PDE10A: variants seen among roughly 807,000 people sequenced by gnomAD.
PDE10A encodes the protein phosphodiesterase 10A.
In PDE10A, 39 loss-of-function variants were observed where a neutral mutation model predicts 97.7. The observed-to-expected ratio is 0.40, with a 90% CI of 0.31 to 0.52. PDE10A has a LOEUF of 0.52. PDE10A is among the 20% of genes least tolerant of loss of function. The pLI is 0.56. For missense variants in PDE10A, 731 were observed against 1,047.8 expected (o/e 0.70, Z 4.17); for synonymous variants, 371 against 376.8 (o/e 0.98, Z 0.18).
At chr6:165,869,177 C>T (rs1781133491) in intron 1 of PDE10A, among the ~76,000 whole-genome samples, 1 of 152,008 alleles carries the variant, frequency 6.6e-6, no homozygotes, top group African/African-American at 2.4e-5. Context: ...TTGCAAATTA[C>T]ATGATCTTAT....
chr6:165,572,969 G>A (rs536416372), intron 1 of PDE10A, among the ~76,000 whole-genome samples: 4 of 152,292 alleles, frequency 2.6e-5, no homozygotes, highest in African/African-American at 9.6e-5. Flanking sequence ...AAAATTTCAA[G>A]TTTAGATGAC....
rs754530674 is a variant in PDE10A at position 165,433,086 on chromosome 6, C to T, written c.1379G>A (p.Arg460His). 9.9e-6 allele frequency: 16 copies of T among 1,613,148 alleles called. No homozygotes were observed. Among genetic ancestry groups the T allele is most frequent in the East Asian group, 2.2e-5 (1 of 44,848 alleles). The change falls in exon 7 of 22, where the codon CGT becomes CAT. Residue 460 changes from arginine to histidine, a missense_variant. By Grantham distance (29) the Arg-to-His change is conservative. Around this residue, in one of 8 missense-constraint regions of PDE10A, gnomAD observed 152 missense variants for 199.3 expected, o/e 0.76. Transcript: ENST00000539869. ...PRGTGLESGT[R>H]IQSVLCLPIV... is the part of the protein sequence containing the mutation. The stretch of plus-strand genomic sequence containing the variant: ...TGGTAAGCAAAGAACAGACTGGATA[C>T]GAGTCCCTGATTCCAGTCCAGTACC...
chr6:165,806,291 G>A (rs887265177), intron 1 of PDE10A, among the ~76,000 whole-genome samples: 8 of 152,196 alleles, frequency 5.3e-5, no homozygotes, highest in African/African-American at 1.7e-4. Flanking sequence ...CATGGGACCC[G>A]CCTGTCACTG....
chr6:165,388,215 G>A lies in PDE10A; in HGVS notation c.2610+83C>T, dbSNP rs1249973723. ...CTGTTGCTTTTAAGGAAGCCATAAT[G>A]ATCTTCCTTTTCCACCTATGAAGTA... On this transcript the variant is annotated intron_variant, in intron 17 of 21. Transcript: ENST00000539869. This position sits in a 1 kb window ranked among gnomAD's most constrained non-coding sequence, Gnocchi z 4.0. 1 of 1,234,830 alleles carries A rather than the reference G, an allele frequency of 8.1e-7. No individual in the cohort carries two copies. The highest frequency in any genetic ancestry group is 1.2e-6 in the Non-Finnish European group (1 of 858,948). 76.5% of individuals were successfully genotyped at this position (1,234,830 alleles called of 1,614,324 possible).
At chr6:165,796,976 G>A (rs1460968886) in intron 1 of PDE10A, among the ~76,000 whole-genome samples, 2 of 152,020 alleles carry the variant, frequency 1.3e-5, no homozygotes, top group Non-Finnish European at 2.9e-5. Context: ...TGGAAGTTAG[G>A]TATAAATAGA....
chr6:165,750,547 C>T (rs1262034533), intron 1 of PDE10A, among the ~76,000 whole-genome samples: 2 of 152,130 alleles, frequency 1.3e-5, no homozygotes, highest in Admixed American at 6.5e-5. Flanking sequence ...TATTTCCCCA[C>T]CCGGAGAGTA....
intron 13 of PDE10A, among the ~76,000 whole-genome samples, chr6:165,407,042 T>C (rs1201355961): frequency 2.6e-5 from 4 of 152,302 alleles, no homozygotes; most frequent in Middle Eastern, 3.4e-3. Context: ...AGCTTGCAGA[T>C]GGCCTATTGG....
chr6:165,548,278 T>C (rs955534154), intron 1 of PDE10A, among the ~76,000 whole-genome samples: 37 of 90,914 alleles, frequency 4.1e-4, no homozygotes, highest in Middle Eastern at 4.9e-3. Flanking sequence ...TTAAATCTCT[T>C]TTTTTTTTTT....
chr6:165,905,312 T>A (rs1463514002), intron 1 of PDE10A, among the ~76,000 whole-genome samples: 1 of 152,328 alleles, frequency 6.6e-6, no homozygotes, highest in East Asian at 1.9e-4. Flanking sequence ...AAAGTCTACA[T>A]AGAGGTTGTT....
chr6:165,408,658 T>C (rs151233117), intron 13 of PDE10A, among the ~76,000 whole-genome samples: 156 of 152,210 alleles, frequency 1.0e-3, no homozygotes, highest in African/African-American at 3.7e-3. Context: ...AATATCATTG[T>C]AAAGAAGACA....
intron 1 of PDE10A, among the ~76,000 whole-genome samples, chr6:165,902,258 A>G (rs6920585): frequency 0.094 from 14,351 of 152,264 alleles, 849 homozygotes; most frequent in African/African-American, 0.16. Flanking sequence ...CTTGTTTCTC[A>G]GAGATCTGCA....
intron 10 of PDE10A, among the ~76,000 whole-genome samples, chr6:165,426,940 C>T (rs57721414): frequency 7.9e-5 from 12 of 152,042 alleles, no homozygotes; most frequent in African/African-American, 2.7e-4. Flanking sequence ...TTTACACCCA[C>T]TATAATGAAA....
rs1291553818 is a variant in PDE10A at position 165,702,874 on chromosome 6, G to T, written c.-614-159306C>A. 3.9e-4 allele frequency among the ~76,000 whole-genome samples: 60 copies of T among 152,302 alleles called. No homozygotes were observed. The South Asian group carries it at 9.5e-3, about 24-fold the overall frequency. On this transcript the variant is annotated intron_variant, in intron 1 of 19. Coordinates refer to the PDE10A transcript ENST00000366882. ...AGGCTCTGACGTTCCTAACACATGA[G>T]ATGACTCTGGAAGCCAGGACCTGCC... is the stretch of plus-strand genomic sequence containing the variant.
At chr6:165,395,318 A>C (rs1786079125) in intron 14 of PDE10A, 54 bp from the exon 15 acceptor site, 1 of 1,190,776 alleles carries the variant, frequency 8.4e-7, no homozygotes, top group African/African-American at 1.5e-5. Flanking sequence ...TAAACACAGT[A>C]AGTAAAGAAA....
chr6:165,367,955 T>A (rs1049780866), intron 18 of PDE10A, among the ~76,000 whole-genome samples: 1 of 152,100 alleles, frequency 6.6e-6, no homozygotes, highest in African/African-American at 2.4e-5. Flanking sequence ...ACAGAGGAAA[T>A]GGTATACATG....
chr6:165,547,570 A>T (rs565088462), intron 1 of PDE10A, among the ~76,000 whole-genome samples: 15 of 152,298 alleles, frequency 9.8e-5, no homozygotes, highest in African/African-American at 3.6e-4. Flanking sequence ...TAGTAAAGAT[A>T]ATTGCTTCTA....
At chr6:165,765,526 G>A (rs962573227) in intron 1 of PDE10A, among the ~76,000 whole-genome samples, 1 of 152,256 alleles carries the variant, frequency 6.6e-6, no homozygotes, top group Non-Finnish European at 1.5e-5. Context: ...CCGCTGGCCC[G>A]GGTGCTAAGT....
intron 1 of PDE10A, among the ~76,000 whole-genome samples, chr6:165,749,783 G>T (rs929234530): frequency 1.3e-5 from 2 of 152,098 alleles, no homozygotes; most frequent in African/African-American, 4.8e-5. Flanking sequence ...TACTAAATAG[G>T]CAAATCAAAA....
In PDE10A at chr6:165,678,205, G is replaced by T. The variant is rs62424897; in HGVS notation, c.-614-134637C>A. Among the ~76,000 whole-genome samples, 14 of 144,424 alleles carry T rather than the reference G, an allele frequency of 9.7e-5. No homozygotes were observed. The South Asian group carries it at 1.5e-3, about 15-fold the overall frequency. The allele number at this position is 144,424 out of a possible 152,430, so 94.7% of individuals were successfully genotyped here. A position where few individuals can be genotyped will look rare whatever the true frequency, so the allele number is the denominator to read the frequency against. ...CATGTGTGTCTGTGTATGTATATGT[G>T]TGTCTGTGTGTGTATATGTGTGTGT... On this transcript the variant is annotated intron_variant, in intron 1 of 19. Coordinates refer to the PDE10A transcript ENST00000366882.
Sources: allele counts gnomAD v4.1 joint callset (sites outside exome capture counted in the v4.1 genomes callset), GRCh38; gene constraint gnomAD v4.1.1; regional missense constraint gnomAD v4.1.1; non-coding constraint Gnocchi (gnomAD v3.1); transcripts MANE v1.5; gene names NCBI Gene and HGNC (gene_info 2026-07-23, HGNC 2026-07-21).